The following EFL1 variants were observed in gnomAD, a reference collection of about 807,000 sequenced individuals.
EFL1 encodes elongation factor-like GTPase 1.
Under a neutral mutation model 126.7 loss-of-function variants are expected in EFL1, and 76 were observed. The ratio of observed to expected loss-of-function variants is 0.60; its 90% CI spans 0.50 to 0.73. The LOEUF is 0.73. Among genes scored for constraint, EFL1 ranks in the 30% least tolerant of loss-of-function variants. EFL1 has a pLI of 0.00. For synonymous variants in EFL1, 410 were observed against 448.4 expected (o/e 0.91, Z 1.08); for missense variants, 1,128 against 1,343.2 (o/e 0.84, Z 2.50).
chr15:82,223,875 C>G (rs141911045), intron 12 of EFL1, among the ~76,000 whole-genome samples: 16 of 152,328 alleles, frequency 1.1e-4, no homozygotes, highest in Non-Finnish European at 1.5e-5. Flanking sequence ...TGGATATTCA[C>G]TCATTCATTC....
intron 15 of EFL1, among the ~76,000 whole-genome samples, chr15:82,211,116 G>A (rs1781196750): frequency 6.6e-6 from 1 of 151,422 alleles, no homozygotes; most frequent in South Asian, 2.1e-4. Flanking sequence ...AAAAAATGTT[G>A]ACATTCCTGG....
Position 82,130,355 on chromosome 15 carries a change from T to A in EFL1, c.*18A>T. The stretch of plus-strand genomic sequence containing the variant: ...TTTAAATTCACTATAAGGAAAAGAA[T>A]CCACCAGTAGTAGGTAGCTACTTAT... On this transcript the variant is annotated 3_prime_UTR_variant, in exon 20 of 20. Coordinates refer to ENST00000268206, the MANE Select transcript of EFL1 (RefSeq NM_024580.6). 6.2e-7 allele frequency: 1 copy of A among 1,609,674 alleles called. No individual in the cohort carries two copies. Among genetic ancestry groups the A allele is most frequent in the Non-Finnish European group, 8.5e-7 (1 of 1,177,668 alleles).
chr15:82,163,865 G>T lies in EFL1; in HGVS notation c.1870C>A (p.Pro624Thr). 6.2e-7 allele frequency: 1 copy of T among 1,613,806 alleles called. No individual in the cohort carries two copies. The highest frequency in any genetic ancestry group is 8.5e-7 in the Non-Finnish European group (1 of 1,179,894). ...AAGGTCATCTTACTTGGATGTTTTG[G>T]TTCAACAGCAACTCTCACAATAGGA... The part of the protein sequence containing the change: ...ATPIVRVAVE[P>T]KHPSEMPQLV... The change falls in exon 16 of 20, where the codon CCA (proline) becomes ACA (threonine). Residue 624 changes from proline (P) to threonine (T), a missense_variant. Physicochemically the swap from Pro to Thr is conservative, Grantham distance 38 (BLOSUM62 -1). Around this residue, in one of 6 missense-constraint regions of EFL1, gnomAD observed 561 missense variants for 641.7 expected, o/e 0.87. Transcript: ENST00000268206.
intron 19 of EFL1, among the ~76,000 whole-genome samples, chr15:82,137,466 G>A (rs1301853334): frequency 6.6e-6 from 1 of 152,042 alleles, no homozygotes; most frequent in Non-Finnish European, 1.5e-5. Context: ...CTCAGAGAAC[G>A]AACCACAAGG....
chr15:82,197,210 T>C (rs1467492800), intron 15 of EFL1, among the ~76,000 whole-genome samples: 6 of 152,222 alleles, frequency 3.9e-5, no homozygotes, highest in Non-Finnish European at 7.3e-5. Context: ...AATCTACTAA[T>C]TGCTCATTTT....
chr15:82,241,752 G>T (rs1022355721), intron 4 of EFL1, among the ~76,000 whole-genome samples: 6 of 152,250 alleles, frequency 3.9e-5, no homozygotes, highest in Middle Eastern at 6.8e-3. Flanking sequence ...CCTTTTACAG[G>T]TTAGGAAATT....
intron 6 of EFL1, 36 bp downstream of exon 6, chr15:82,240,382 G>T: frequency 3.2e-6 from 5 of 1,539,926 alleles, no homozygotes; most frequent in Non-Finnish European, 4.4e-6. Context: ...ACTCTTCTTC[G>T]TGGCTAAATT....
intron 2 of EFL1, among the ~76,000 whole-genome samples, chr15:82,259,847 G>C (rs148962743): frequency 6.6e-6 from 1 of 152,224 alleles, no homozygotes; most frequent in Non-Finnish European, 1.5e-5. Flanking sequence ...CAAAGCTATG[G>C]AATCTCTGTA....
chr15:82,230,758 G>C, intron 8 of EFL1, 90 bp downstream of exon 8: 1 of 1,440,148 alleles, frequency 6.9e-7, no homozygotes, highest in Non-Finnish European at 9.2e-7. Flanking sequence ...ATAAATTAAA[G>C]CTGAATTACA....
chr15:82,189,769 A>G (rs2074339300), intron 15 of EFL1, among the ~76,000 whole-genome samples: 1 of 152,044 alleles, frequency 6.6e-6, no homozygotes, highest in Non-Finnish European at 1.5e-5. Context: ...ATATACATTT[A>G]TTTATATTGA....
At chr15:82,141,730 G>A (rs1343506882) in intron 18 of EFL1, among the ~76,000 whole-genome samples, 1 of 150,754 alleles carries the variant, frequency 6.6e-6, no homozygotes, top group East Asian at 1.9e-4. Flanking sequence ...GGTAGTTTAT[G>A]GAAGTAAATA....
At chr15:82,146,727 T>G (rs1430291165) in intron 18 of EFL1, among the ~76,000 whole-genome samples, 2 of 151,866 alleles carry the variant, frequency 1.3e-5, no homozygotes, top group African/African-American at 4.8e-5. Flanking sequence ...GTGACAATGG[T>G]AGAGACTGCA....
chr15:82,258,669 G>C (rs972105061), intron 3 of EFL1, among the ~76,000 whole-genome samples: 29 of 152,212 alleles, frequency 1.9e-4, no homozygotes, highest in African/African-American at 6.8e-4. Flanking sequence ...CTCCCTGCCA[G>C]TATGTTTTCT....
chr15:82,234,824 A>G (rs546608296), intron 7 of EFL1, among the ~76,000 whole-genome samples: 1 of 152,308 alleles, frequency 6.6e-6, no homozygotes, highest in East Asian at 1.9e-4. Flanking sequence ...TCAAGCCCAC[A>G]ACTAAAGTTA....
intron 4 of EFL1, among the ~76,000 whole-genome samples, chr15:82,242,155 C>A (rs2074937893): frequency 1.3e-5 from 2 of 152,174 alleles, no homozygotes; most frequent in South Asian, 4.1e-4. Flanking sequence ...GTATACCATG[C>A]AGAAAATTAG....
Position 82,240,572 on chromosome 15 carries a change from G to C in EFL1, c.379-17C>G. On this transcript the variant is annotated splice_polypyrimidine_tract_variant and intron_variant, in intron 5 of 19. Transcript: ENST00000268206. ...TGCCTGTGTCTGATAAAAACAGAAA[G>C]AAAAATGTAAAACTCATGATTTGAA... 1 of 1,608,290 alleles carries C rather than the reference G, an allele frequency of 6.2e-7. No individual in the cohort carries two copies. The highest frequency in any genetic ancestry group is 2.2e-5 in the East Asian group (1 of 44,852).
At chr15:82,214,233 C>A (rs1452389412) in intron 15 of EFL1, among the ~76,000 whole-genome samples, 3 of 152,154 alleles carry the variant, frequency 2.0e-5, no homozygotes, top group African/African-American at 7.2e-5. Flanking sequence ...CAAGTGATAA[C>A]ATTAAGGAGA....
chr15:82,201,717 A>G (rs2074470445), intron 15 of EFL1, among the ~76,000 whole-genome samples: 1 of 138,290 alleles, frequency 7.2e-6, no homozygotes, highest in Non-Finnish European at 1.6e-5. Flanking sequence ...AAAAAAAAAA[A>G]AAGAACTCAA....
In EFL1 at chr15:82,261,756, T is replaced by C; in HGVS notation, c.23A>G (p.Lys8Arg). 1 of 1,614,118 alleles carries C rather than the reference T, an allele frequency of 6.2e-7. No homozygotes were observed. The highest frequency in any genetic ancestry group is 8.5e-7 in the Non-Finnish European group (1 of 1,180,014). The change falls in exon 2 of 20, where the codon AAG becomes AGG. Residue 8 changes from lysine to arginine, a missense_variant. Transcript: ENST00000268206. The part of the protein sequence containing the change: MVLNSLD[K>R]MIQLQKNTAN... ...AGTGTTTTTCTGGAGTTGAATCATC[T>C]TATCCAAACTGTTGAGCACCATGAT...
Sources: allele counts gnomAD v4.1 joint callset (sites outside exome capture counted in the v4.1 genomes callset), GRCh38; gene constraint gnomAD v4.1.1; regional missense constraint gnomAD v4.1.1; transcripts MANE v1.5; gene names NCBI Gene and HGNC (gene_info 2026-07-23, HGNC 2026-07-21).